Variants in SEC14L1 observed in about 807,000 individuals in gnomAD.
SEC14L1 encodes the protein SEC14-like protein 1.
Under a neutral mutation model 85.3 loss-of-function variants are expected in SEC14L1, and 48 were observed. The observed-to-expected ratio is 0.56, with a 90% CI of 0.45 to 0.72. SEC14L1 has a LOEUF of 0.72. Ranked by LOEUF, SEC14L1 falls within the 30% of genes least tolerant of loss-of-function variation. The pLI is 0.00. For synonymous variants in SEC14L1, 391 were observed against 355.5 expected (o/e 1.10, Z -1.12); for missense variants, 682 against 921.4 (o/e 0.74, Z 3.36).
intron 3 of SEC14L1, among the ~76,000 whole-genome samples, chr17:77,190,346 T>A (rs1482550930): frequency 6.6e-6 from 1 of 152,228 alleles, no homozygotes; most frequent in Admixed American, 6.5e-5. Context: ...TTCTGGGTTC[T>A]GTATTTTGTC....
intron 3 of SEC14L1, among the ~76,000 whole-genome samples, chr17:77,110,716 TA>T (rs35033742): frequency 4.7e-5 from 7 of 148,404 alleles, no homozygotes; most frequent in East Asian, 3.9e-4. Flanking sequence ...CCATCTCTAC[TA>T]AAAAAAAATA....
intron 3 of SEC14L1, among the ~76,000 whole-genome samples, chr17:77,166,775 G>A (rs1417202492): frequency 6.6e-6 from 1 of 152,138 alleles, no homozygotes; most frequent in Non-Finnish European, 1.5e-5. Context: ...GGAGGTGGAG[G>A]TTGCAGTGAG....
intron 3 of SEC14L1, among the ~76,000 whole-genome samples, chr17:77,125,872 C>T (rs1025000863): frequency 6.6e-6 from 1 of 152,180 alleles, no homozygotes; most frequent in African/African-American, 2.4e-5. Context: ...AGGAATGGGG[C>T]CGGGCGGGGT....
chr17:77,143,765 G>T, intron 3 of SEC14L1, 106 bp downstream of exon 3: 2 of 785,178 alleles, frequency 2.5e-6, no homozygotes, highest in South Asian at 1.7e-5. Context: ...GGCATCACTT[G>T]AACTTACTCT....
chr17:77,209,070 G>A (rs561056292), intron 13 of SEC14L1, among the ~76,000 whole-genome samples: 1 of 152,304 alleles, frequency 6.6e-6, no homozygotes, highest in African/African-American at 2.4e-5. Flanking sequence ...TTTAGTAACT[G>A]GGTGCAGTGC....
intron 3 of SEC14L1, among the ~76,000 whole-genome samples, chr17:77,108,228 C>G (rs913701721): frequency 6.6e-6 from 1 of 152,194 alleles, no homozygotes; most frequent in Non-Finnish European, 1.5e-5. Context: ...CATCTCGGCA[C>G]TATCTGAGCT....
rs191359243 is a variant in SEC14L1, at chr17:77,214,782, T to C, written c.*759T>C. 4 of 985,272 alleles carry C rather than the reference T, an allele frequency of 4.1e-6. No individual in the cohort carries two copies. In the African/African-American group the frequency reaches 5.2e-5, roughly 13 times the overall value. 61.0% of individuals were successfully genotyped at this position (985,272 alleles called of 1,614,324 possible). A position where few individuals can be genotyped will look rare whatever the true frequency, so the allele number is the denominator to read the frequency against. On this transcript the variant is annotated 3_prime_UTR_variant, in exon 17 of 17. Coordinates refer to ENST00000436233, the MANE Select transcript of SEC14L1 (RefSeq NM_001143998.2). ...CTGTATGTGAACTTGGGTGGGGGGG[T>C]TCTTCCCGTTTCCTTCCGTGCGTCG... is the stretch of plus-strand genomic sequence containing the variant.
At chr17:77,105,746 A>T (rs1971901335) in intron 3 of SEC14L1, among the ~76,000 whole-genome samples, 1 of 152,196 alleles carries the variant, frequency 6.6e-6, no homozygotes, top group African/African-American at 2.4e-5. Context: ...GGGCTTGTAT[A>T]CCATCTTCAT....
chr17:77,215,401 G>A lies in SEC14L1; in HGVS notation c.*1378G>A, dbSNP rs377153945. ...GTGTTTTTCATGCCAAACCCCACGC[G>A]GCTGTCAACTGTGTGCGTGGTAGGC... On this transcript the variant is annotated 3_prime_UTR_variant, in exon 17 of 17. Transcript: ENST00000436233. 2 of 985,388 alleles carry A rather than the reference G, an allele frequency of 2.0e-6. No individual in the cohort carries two copies. Among genetic ancestry groups the A allele is most frequent in the Non-Finnish European group, 2.4e-6 (2 of 829,948 alleles). 61.0% of individuals were successfully genotyped at this position (985,388 alleles called of 1,614,324 possible). A position where few individuals can be genotyped will look rare whatever the true frequency, so the allele number is the denominator to read the frequency against.
At chr17:77,147,080 G>C (rs916208740) in intron 3 of SEC14L1, among the ~76,000 whole-genome samples, 1 of 152,210 alleles carries the variant, frequency 6.6e-6, no homozygotes, top group Non-Finnish European at 1.5e-5. Context: ...TCACTAGAAC[G>C]CACGGTGGCG....
intron 3 of SEC14L1, among the ~76,000 whole-genome samples, chr17:77,159,743 A>G (rs765494881): frequency 2.0e-5 from 3 of 152,110 alleles, no homozygotes; most frequent in Non-Finnish European, 4.4e-5. Flanking sequence ...TTCAACCACC[A>G]CTATTTTATT....
At chr17:77,141,345 C>CCCACCCCCACCT (rs1375557055) in intron 1 of SEC14L1, 3 of 139,114 alleles carry the variant, frequency 2.2e-5, no homozygotes, top group African/African-American at 8.1e-5. Flanking sequence ...CTCCCCCGCC[C>CCCACCCCCACCT]CCACCCCCAC....
intron 9 of SEC14L1, among the ~76,000 whole-genome samples, chr17:77,202,071 G>A (rs1477617577): frequency 1.3e-5 from 2 of 152,146 alleles, no homozygotes; most frequent in South Asian, 4.1e-4. Flanking sequence ...GCTGACTCTA[G>A]GGATACACTA....
intron 3 of SEC14L1, among the ~76,000 whole-genome samples, chr17:77,105,570 G>A (rs888890297): frequency 1.3e-5 from 2 of 152,132 alleles, no homozygotes; most frequent in Non-Finnish European, 2.9e-5. Flanking sequence ...GTGCAGAGAT[G>A]TGAACTCCTG....
chr17:77,198,339 A>G (rs904194092), intron 8 of SEC14L1, among the ~76,000 whole-genome samples: 3 of 152,208 alleles, frequency 2.0e-5, no homozygotes, highest in African/African-American at 7.2e-5. Context: ...TATAAAACCA[A>G]TCTCCAATAG....
At chr17:77,141,963 C>G (rs1331925434) in intron 1 of SEC14L1, among the ~76,000 whole-genome samples, 2 of 152,162 alleles carry the variant, frequency 1.3e-5, no homozygotes, top group African/African-American at 4.8e-5. Context: ...CCCAGCACAT[C>G]AGGATGTGTC....
intron 8 of SEC14L1, 136 bp downstream of exon 8, chr17:77,196,447 G>T: frequency 1.7e-6 from 1 of 600,998 alleles, no homozygotes; most frequent in South Asian, 2.1e-5. Context: ...AGAAGTCATT[G>T]AATTTATGTC....
chr17:77,129,454 C>T (rs2143439810), intron 3 of SEC14L1, among the ~76,000 whole-genome samples: 1 of 152,214 alleles, frequency 6.6e-6, no homozygotes, highest in Middle Eastern at 3.4e-3. Flanking sequence ...AGCTGGAGGT[C>T]ACACTGTGTA....
chr17:77,101,676 G>A (rs1212006101), intron 3 of SEC14L1, among the ~76,000 whole-genome samples: 1 of 152,202 alleles, frequency 6.6e-6, no homozygotes, highest in Admixed American at 6.5e-5. Context: ...TCTGGCCTGG[G>A]CTGGAGATTC....
Sources: gnomAD v4.1 joint callset for allele counts (sites outside exome capture counted in the v4.1 genomes callset) on GRCh38, gnomAD v4.1.1 for gene constraint, MANE v1.5 for transcripts, NCBI Gene and HGNC (gene_info 2026-07-23, HGNC 2026-07-21) for gene names.